The following RABGEF1 variants were observed in gnomAD, a reference collection of about 807,000 sequenced individuals.
RABGEF1 encodes RAB guanine nucleotide exchange factor 1.
Under a neutral mutation model 57.3 loss-of-function variants are expected in RABGEF1, and 26 were observed. The ratio of observed to expected loss-of-function variants is 0.45; its 90% confidence interval spans 0.33 to 0.63. The LOEUF (loss-of-function observed/expected upper bound fraction) is 0.63, where lower values mean the gene tolerates loss of function less well. Among genes scored for constraint, RABGEF1 ranks in the 20% least tolerant of loss-of-function variants. RABGEF1 has a pLI of 0.02. For missense variants in RABGEF1, 464 were observed against 607.6 expected (o/e 0.76, Z 2.48); for synonymous variants, 185 against 210.7 (o/e 0.88, Z 1.06).
intron 1 of RABGEF1, among the ~76,000 whole-genome samples, chr7:66,764,350 A>T (rs1348346616): frequency 6.6e-6 from 1 of 152,138 alleles, no homozygotes; most frequent in East Asian, 1.9e-4. Flanking sequence ...TTTTTTATAT[A>T]TTCTGGATAC....
chr7:66,738,006 T>C (rs1273401069), upstream of RABGEF1, among the ~76,000 whole-genome samples: 1 of 137,872 alleles, frequency 7.3e-6, no homozygotes, highest in Non-Finnish European at 1.6e-5. Flanking sequence ...TTCTTGGTTG[T>C]GTTTTTTGTT....
intron 4 of RABGEF1, among the ~76,000 whole-genome samples, chr7:66,791,737 A>G (rs1812708580): frequency 6.6e-6 from 1 of 152,260 alleles, no homozygotes; most frequent in Non-Finnish European, 1.5e-5. Context: ...ATAATGTTCA[A>G]AGATAGACAT....
intron 2 of RABGEF1, among the ~76,000 whole-genome samples, chr7:66,728,308 T>C (rs1430706489): frequency 1.3e-5 from 2 of 152,242 alleles, no homozygotes; most frequent in East Asian, 3.9e-4. Flanking sequence ...GTCTATTGTC[T>C]TGTGGAGAGC....
chr7:66,785,893 CT>C (rs1811074258), intron 4 of RABGEF1, among the ~76,000 whole-genome samples: 1 of 151,726 alleles, frequency 6.6e-6, no homozygotes, highest in African/African-American at 2.4e-5. Flanking sequence ...AAAAAAAAGT[CT>C]TTGTACTCAG....
chr7:66,704,086 T>C (rs1793669926), intron 1 of RABGEF1, among the ~76,000 whole-genome samples: 1 of 152,248 alleles, frequency 6.6e-6, no homozygotes, highest in Admixed American at 6.5e-5. Context: ...ATTTTATTTT[T>C]GAATTGTTAT....
chr7:66,688,639 G>A (rs372048503), intron 1 of RABGEF1, among the ~76,000 whole-genome samples: 1 of 152,170 alleles, frequency 6.6e-6, no homozygotes, highest in Non-Finnish European at 1.5e-5. Flanking sequence ...TATATGGAAA[G>A]TAAACACACT....
At chr7:66,752,743 C>G (rs2129064398) in intron 1 of RABGEF1, among the ~76,000 whole-genome samples, 2 of 152,282 alleles carry the variant, frequency 1.3e-5, no homozygotes, top group South Asian at 2.1e-4. Context: ...GGGGTGGGAC[C>G]CAGTACTCTG....
chr7:66,670,294 A>T, the RABGEF1 span, among the ~76,000 whole-genome samples: 2 of 151,894 alleles, frequency 1.3e-5, no homozygotes, highest in East Asian at 3.9e-4. Context: ...CTCATACTTT[A>T]GGTCTCAGCT....
intron 1 of RABGEF1, among the ~76,000 whole-genome samples, chr7:66,686,452 A>T (rs1790650448): frequency 6.6e-6 from 1 of 152,194 alleles, no homozygotes; most frequent in African/African-American, 2.4e-5. Context: ...AGCCTGCGTG[A>T]CAGAGTGATA....
the RABGEF1 span, chr7:66,665,981 C>G: frequency 6.5e-6 from 1 of 152,902 alleles, no homozygotes; most frequent in Admixed American, 6.5e-5. Context: ...AGGAGCTGGC[C>G]TGCGAGGCTG....
In RABGEF1 at chr7:66,801,914, AG is replaced by A. The variant is rs1300749716; in HGVS notation, c.820+2501del. Among the ~76,000 whole-genome samples, 94 of 152,148 alleles carry A rather than the reference AG, an allele frequency of 6.2e-4. 1 individual carries two copies. Among genetic ancestry groups the A allele is most frequent in the African/African-American group, 2.1e-3 (86 of 41,510 alleles). On this transcript the variant is annotated intron_variant, in intron 7 of 8. Transcript: ENST00000284957. Reference sequence around the variant, plus strand: ...GACTTATTTATTTAGTTAGTTAGTTAGTTAGTTATTTTTGAGACAGGATCTC... The same window carrying A: ...GACTTATTTATTTAGTTAGTTAGTTATTAGTTATTTTTGAGACAGGATCTC...
chr7:66,659,926 G>T, the RABGEF1 span, among the ~76,000 whole-genome samples: 24 of 150,780 alleles, frequency 1.6e-4, 1 homozygote, highest in South Asian at 2.9e-3. Context: ...AATAAATAAA[G>T]AAAAGGAAAA....
the RABGEF1 span, among the ~76,000 whole-genome samples, chr7:66,672,137 A>AT: frequency 3.3e-5 from 5 of 151,666 alleles, no homozygotes; most frequent in African/African-American, 9.7e-5. Flanking sequence ...ATAAAAAAAA[A>AT]CCTGGCCGGG....
chr7:66,703,424 C>G (rs1449391346), intron 1 of RABGEF1, among the ~76,000 whole-genome samples: 1 of 152,098 alleles, frequency 6.6e-6, no homozygotes, highest in Non-Finnish European at 1.5e-5. Flanking sequence ...AATTTTAGCT[C>G]TCACAGTTAG....
intron 2 of RABGEF1, among the ~76,000 whole-genome samples, chr7:66,716,312 T>G (rs995345069): frequency 1.3e-5 from 2 of 152,136 alleles, no homozygotes; most frequent in Non-Finnish European, 2.9e-5. Flanking sequence ...TTAAAATATA[T>G]AGTCAGGCCA....
intron 4 of RABGEF1, among the ~76,000 whole-genome samples, chr7:66,791,254 GAC>G (rs1302293369): frequency 6.6e-6 from 1 of 152,086 alleles, no homozygotes; most frequent in Non-Finnish European, 1.5e-5. Flanking sequence ...AATTGAATTT[GAC>G]ACAGTTAGTT....
upstream of RABGEF1, among the ~76,000 whole-genome samples, chr7:66,736,115 AAAC>A (rs1797914225): frequency 6.6e-6 from 1 of 152,142 alleles, no homozygotes; most frequent in Non-Finnish European, 1.5e-5. Context: ...ACAAGACAAA[AAAC>A]AAAGCCTCAG....
At chr7:66,723,034 T>G (rs1163705872) in intron 2 of RABGEF1, among the ~76,000 whole-genome samples, 1 of 152,150 alleles carries the variant, frequency 6.6e-6, no homozygotes, top group African/African-American at 2.4e-5. Flanking sequence ...AATGGCGTGA[T>G]CTTGGCTCAC....
intron 1 of RABGEF1, among the ~76,000 whole-genome samples, chr7:66,756,555 C>T (rs1014485822): frequency 5.3e-5 from 8 of 151,982 alleles, no homozygotes; most frequent in Admixed American, 2.6e-4. Context: ...CTTCATTGTC[C>T]TGTTCAGATT....
Sources: allele counts gnomAD v4.1 joint callset (sites outside exome capture counted in the v4.1 genomes callset), GRCh38; gene constraint gnomAD v4.1.1; transcripts MANE v1.5; gene names NCBI Gene and HGNC (gene_info 2026-07-23, HGNC 2026-07-21).